Variants in KCNH3 observed in about 807,000 individuals in gnomAD.
KCNH3 encodes the protein potassium voltage-gated channel subfamily H member 3, also known as voltage-gated inwardly rectifying potassium channel KCNH3.
KCNH3 carries 36 observed loss-of-function variants against 95.6 expected under a neutral mutation model. That is an observed-to-expected ratio of 0.38 (90% CI 0.29 to 0.50). The LOEUF is 0.50. Among genes scored for constraint, KCNH3 ranks in the 20% least tolerant of loss-of-function variants. KCNH3 has a pLI of 0.95. For synonymous variants in KCNH3, 620 were observed against 646.3 expected (o/e 0.96, Z 0.62); for missense variants, 1,030 against 1,484.1 (o/e 0.69, Z 5.03).
At chr12:49,554,689 C>A in intron 11 of KCNH3, 135 bp downstream of exon 11, 3 of 744,642 alleles carry the variant, frequency 4.0e-6, no homozygotes, top group Non-Finnish European at 6.7e-6. Flanking sequence ...GGGCAGGGGT[C>A]TACACCCTCT....
intron 7 of KCNH3, among the ~76,000 whole-genome samples, chr12:49,547,539 G>A (rs984553647): frequency 6.6e-6 from 1 of 152,220 alleles, no homozygotes; most frequent in African/African-American, 2.4e-5. Context: ...CCTGCCGTGT[G>A]GCACCTCTGA....
chr12:49,553,235 A>C (rs1034892740), intron 10 of KCNH3, among the ~76,000 whole-genome samples: 4 of 152,092 alleles, frequency 2.6e-5, no homozygotes, highest in African/African-American at 9.7e-5. Flanking sequence ...TACTGGGCTC[A>C]AGTGATCCAT....
intron 10 of KCNH3, among the ~76,000 whole-genome samples, chr12:49,551,615 G>C (rs957743976): frequency 1.3e-5 from 2 of 151,456 alleles, no homozygotes; most frequent in Non-Finnish European, 2.9e-5. Flanking sequence ...CCACTAAAGA[G>C]GAGCAGAGCT....
chr12:49,541,233 C>T lies in KCNH3; in HGVS notation c.310+101C>T, dbSNP rs1937860227. 3.5e-6 allele frequency: 3 copies of T among 855,410 alleles called. No individual in the cohort carries two copies. The Admixed American group carries it at 6.4e-5, about 18-fold the overall frequency. The allele number at this position is 855,410 out of a possible 1,614,324, so 53.0% of individuals were successfully genotyped here. Reference sequence around the variant, plus strand: ...TCCTCCTTTCTGTTGCCATCTTCTCCATCTCCCCATGTCATCCCATCTTCC... The same window carrying T: ...TCCTCCTTTCTGTTGCCATCTTCTCTATCTCCCCATGTCATCCCATCTTCC... On this transcript the variant is annotated intron_variant, in intron 2 of 14. Coordinates refer to ENST00000257981, the MANE Select transcript of KCNH3 (RefSeq NM_012284.3).
At chr12:49,551,423 A>G (rs1938254374) in intron 10 of KCNH3, among the ~76,000 whole-genome samples, 1 of 152,022 alleles carries the variant, frequency 6.6e-6, no homozygotes, top group Admixed American at 6.6e-5. Flanking sequence ...TAAAAATACA[A>G]AAATTAGCCG....
At chr12:49,545,965 G>T (rs577674454) in intron 7 of KCNH3, among the ~76,000 whole-genome samples, 2 of 152,158 alleles carry the variant, frequency 1.3e-5, no homozygotes, top group Non-Finnish European at 2.9e-5. Flanking sequence ...GGTGTCAGCT[G>T]CTCTGGGGTC....
Position 49,557,847 on chromosome 12 carries a change from G to A in KCNH3, c.3146G>A (p.Gly1049Glu), listed in dbSNP as rs867584076. 1 of 1,594,532 alleles carries A rather than the reference G, an allele frequency of 6.3e-7. No individual in the cohort carries two copies. The highest frequency in any genetic ancestry group is 8.6e-7 in the Non-Finnish European group (1 of 1,168,182). The change falls in exon 15 of 15, where the codon GGG (glycine) becomes GAG (glutamate). Residue 1049 changes from glycine to glutamate, a missense_variant. By Grantham distance (98) the Gly-to-Glu change is moderately conservative. Around this residue, in one of 9 missense-constraint regions of KCNH3, gnomAD observed 464 missense variants for 493.2 expected, o/e 0.94. Transcript: ENST00000257981. ...TSTGEPPPGS[G>E]GLALPWDPHS... is the part of the protein sequence containing the mutation. ...ACTGGAGAGCCCCCACCAGGGTCAG[G>A]GGGCCTGGCCTTGCCCTGGGACCCC... is the stretch of plus-strand genomic sequence containing the variant.
rs1329928056 is a variant in KCNH3 at position 49,548,129 on chromosome 12, TGTGTGC to T, written c.1190-764_1190-759del. Reference sequence around the variant, plus strand: ...GTGTGTGTGTGTGTGTGTGTGTGTGTGTGTGCGCGCGCACCTGTGTGAATGTATTCG... The same window carrying T: ...GTGTGTGTGTGTGTGTGTGTGTGTGTGCGCGCACCTGTGTGAATGTATTCG... On this transcript the variant is annotated intron_variant, in intron 7 of 14. Coordinates refer to ENST00000257981, the MANE Select transcript of KCNH3 (RefSeq NM_012284.3). Among the ~76,000 whole-genome samples, 55 of 134,978 alleles carry T rather than the reference TGTGTGC, an allele frequency of 4.1e-4. No homozygotes were observed. In the South Asian group the frequency reaches 6.2e-3, roughly 15 times the overall value. 88.6% of individuals were successfully genotyped at this position (134,978 alleles called of 152,430 possible).
intron 7 of KCNH3, among the ~76,000 whole-genome samples, chr12:49,545,439 C>G (rs529155900): frequency 7.3e-5 from 10 of 137,598 alleles, no homozygotes; most frequent in African/African-American, 2.9e-4. Context: ...GTCACTCAGG[C>G]TGGAGTACAG....
chr12:49,540,322 A>G (rs1031490406), intron 1 of KCNH3, among the ~76,000 whole-genome samples: 1 of 152,042 alleles, frequency 6.6e-6, no homozygotes, highest in Non-Finnish European at 1.5e-5. Context: ...TCCCCAATAC[A>G]TTCCTGGCTC....
chr12:49,545,607 G>T (rs1394922353), intron 7 of KCNH3, among the ~76,000 whole-genome samples: 3 of 151,992 alleles, frequency 2.0e-5, no homozygotes, highest in Admixed American at 1.3e-4. Flanking sequence ...TAGCCAGGAT[G>T]GTCTCGATCT....
chr12:49,556,416 TTC>T lies in KCNH3; in HGVS notation c.2519_2520del (p.Ser840PhefsTer11). 1.2e-6 allele frequency: 2 copies of T among 1,614,046 alleles called. No homozygotes were observed. Among genetic ancestry groups the T allele is most frequent in the African/African-American group, 1.3e-5 (1 of 75,030 alleles). On this transcript the variant is annotated frameshift_variant, in exon 13 of 15. Coordinates refer to ENST00000257981, the MANE Select transcript of KCNH3 (RefSeq NM_012284.3). LOFTEE classifies it high-confidence loss of function. Reference protein sequence around the residue: ...EDGCGSDQPKFSFRVGQSGPE... With the variant: ...EDGCGSDQPKXSFRVGQSGPE... Reference sequence around the variant, plus strand: ...CGGCTGTGGCTCGGACCAGCCCAAGTTCTCTTTCCGCGTGGGCCAGTCTGGCC... The same window carrying T: ...CGGCTGTGGCTCGGACCAGCCCAAGTTCTTTCCGCGTGGGCCAGTCTGGCC...
intron 3 of KCNH3, 49 bp downstream of exon 3, chr12:49,541,813 G>A (rs747073081): frequency 6.2e-6 from 10 of 1,600,170 alleles, no homozygotes; most frequent in Admixed American, 5.2e-5. Flanking sequence ...CCGCAGGCCC[G>A]GGCGGGGCCT....
Position 49,554,432 on chromosome 12 carries a change from T to C in KCNH3, c.2014T>C (p.Cys672Arg). ...VKGLTYCVLQ[C>R]LQLAGLHDSL... ...GGGGCTGACGTACTGCGTCCTGCAGTGTCTGCAGCTGGCTGGCCTGCACGA... is the reference window on the plus strand; with the variant it reads ...GGGGCTGACGTACTGCGTCCTGCAGCGTCTGCAGCTGGCTGGCCTGCACGA... The change falls in exon 11 of 15, where the codon TGT becomes CGT. Residue 672 changes from cysteine to arginine, a missense_variant. Physicochemically the swap from Cys to Arg is radical, Grantham distance 180. Coordinates refer to ENST00000257981, the MANE Select transcript of KCNH3 (RefSeq NM_012284.3). 3 of 1,613,328 alleles carry C rather than the reference T, an allele frequency of 1.9e-6. No homozygotes were observed. The highest frequency in any genetic ancestry group is 1.6e-4 in the Middle Eastern group (1 of 6,062).
In KCNH3 at chr12:49,543,270, C is replaced by T. The variant is rs754200624; in HGVS notation, c.580-5C>T. 5 of 1,613,236 alleles carry T rather than the reference C, an allele frequency of 3.1e-6. No homozygotes were observed. In the Admixed American group the frequency reaches 5.0e-5, roughly 16 times the overall value. On this transcript the variant is annotated splice_region_variant and splice_polypyrimidine_tract_variant and intron_variant, in intron 4 of 14. Coordinates refer to ENST00000257981, the MANE Select transcript of KCNH3 (RefSeq NM_012284.3). ...CTCTGCCTGGACCTGCCCTGCCTCA[C>T]TCAGGGGGTGTTTGGGGAGAAACCA...
At chr12:49,556,571 A>G in intron 13 of KCNH3, 95 bp downstream of exon 13, 2 of 910,092 alleles carry the variant, frequency 2.2e-6, no homozygotes, top group South Asian at 1.4e-5. Context: ...AATGTTAGAG[A>G]AACTGGCAGA....
chr12:49,543,124 T>C, intron 4 of KCNH3, 151 bp from the exon 5 acceptor site: 1 of 910,162 alleles, frequency 1.1e-6, no homozygotes, highest in Non-Finnish European at 1.6e-6. Context: ...TTCTGATCTA[T>C]AAAATGGAGA....
rs1276462606 is a variant in KCNH3 at position 49,539,470 on chromosome 12, C to T, written c.54C>T (p.Ile18=). ...CGCAGAACACCTTCCTGGACACCAT[C>T]GCTACGCGCTTCGACGGCACGCGTG... is the stretch of plus-strand genomic sequence containing the variant. ...LAPQNTFLDT[I]ATRFDGTHSN... is the part of the protein sequence containing the mutation. The change falls in exon 1 of 15, where the codon ATC becomes ATT. Residue 18 remains isoleucine, a synonymous_variant. Transcript: ENST00000257981. This position sits in a 1 kb window ranked among gnomAD's most constrained non-coding sequence, Gnocchi z 6.7. 1.3e-6 allele frequency: 2 copies of T among 1,587,852 alleles called. No individual in the cohort carries two copies. Among genetic ancestry groups the T allele is most frequent in the African/African-American group, 1.4e-5 (1 of 72,538 alleles).
chr12:49,543,622 C>G, intron 5 of KCNH3, 104 bp downstream of exon 5: 4 of 1,431,928 alleles, frequency 2.8e-6, no homozygotes, highest in Non-Finnish European at 3.7e-6. Context: ...CCCCCTCGCT[C>G]TCTCTCATTT....
Sources: allele counts gnomAD v4.1 joint callset (sites outside exome capture counted in the v4.1 genomes callset), GRCh38; gene constraint gnomAD v4.1.1; regional missense constraint gnomAD v4.1.1; non-coding constraint Gnocchi (gnomAD v3.1); transcripts MANE v1.5; gene names NCBI Gene and HGNC (gene_info 2026-07-23, HGNC 2026-07-21).